RBP7: variants seen among roughly 807,000 people sequenced by gnomAD.
The protein encoded by RBP7 is retinoid-binding protein 7.
In RBP7, 13 loss-of-function variants were observed where a neutral mutation model predicts 16.7. That is an observed-to-expected ratio of 0.78 (90% CI 0.51 to 1.24). The LOEUF (loss-of-function observed/expected upper bound fraction) is 1.24, where lower values mean the gene tolerates loss of function less well. Among genes scored for constraint, RBP7 ranks in the 50% most tolerant of loss-of-function variants. RBP7 has a pLI of 0.00. For synonymous variants in RBP7, 54 were observed against 56.2 expected, an observed-to-expected ratio of 0.96 and a Z score of 0.17; for missense variants, 145 against 159.5, an observed-to-expected ratio of 0.91 and a Z score of 0.49.
chr1:10,015,932 T>C lies in RBP7; in HGVS notation c.*100T>C. 8.9e-7 allele frequency: 1 copy of C among 1,128,998 alleles called. No individual in the cohort carries two copies. Among genetic ancestry groups the C allele is most frequent in the Non-Finnish European group, 1.3e-6 (1 of 754,094 alleles). The allele number at this position is 1,128,998 out of a possible 1,614,324, so 69.9% of individuals were successfully genotyped here. On this transcript the variant is annotated 3_prime_UTR_variant, in exon 4 of 4. Transcript: ENST00000294435. ...ATCTATCCCATTTGGCGACGAGGAC[T>C]CGTGGCTGGAGAGAGCCACACAGCG...
At chr1:9,999,058 G>C (rs1362476872) in intron 1 of RBP7, among the ~76,000 whole-genome samples, 1 of 152,032 alleles carries the variant, frequency 6.6e-6, no homozygotes, top group Admixed American at 6.6e-5. Context: ...TCATGGGGTA[G>C]TTTTCCCCAC....
rs550263559 is a variant in RBP7 at position 10,013,698 on chromosome 1, T to A, written c.355-2084T>A. On this transcript the variant is annotated intron_variant, in intron 3 of 3. Transcript: ENST00000294435. ...GGTGGCGGGCACCTGTAGTCCCAGC[T>A]ACTCAGGAGGCTGAGGCAGGATAAT... Among the ~76,000 whole-genome samples the A allele has an allele frequency of 7.2e-5, 11 of 152,150 alleles. No homozygotes were observed. In the South Asian group the frequency reaches 2.3e-3, roughly 32 times the overall value.
At chr1:10,010,429 G>A (rs910965259) in intron 3 of RBP7, among the ~76,000 whole-genome samples, 5 of 151,200 alleles carry the variant, frequency 3.3e-5, no homozygotes, top group Admixed American at 6.6e-5. Flanking sequence ...TTTTGTTTGT[G>A]TTTTTGAGAC....
chr1:10,013,574 C>T (rs1459173424), intron 3 of RBP7, among the ~76,000 whole-genome samples: 3 of 151,854 alleles, frequency 2.0e-5, no homozygotes, highest in South Asian at 4.1e-4. Context: ...TTTGGAAGGT[C>T]GGGGCAGGTG....
chr1:10,014,706 A>G (rs924812188), intron 3 of RBP7, among the ~76,000 whole-genome samples: 1 of 151,954 alleles, frequency 6.6e-6, no homozygotes, highest in Non-Finnish European at 1.5e-5. Context: ...TGAGTTGTTT[A>G]TTTTATAATA....
chr1:10,012,208 T>C (rs1283885357), intron 3 of RBP7, among the ~76,000 whole-genome samples: 3 of 91,114 alleles, frequency 3.3e-5, no homozygotes, highest in South Asian at 3.5e-4. Context: ...TGAAACTCCA[T>C]CTCAAAAAAA....
chr1:10,006,793 A>G (rs1217400608), intron 1 of RBP7, among the ~76,000 whole-genome samples: 2 of 151,624 alleles, frequency 1.3e-5, no homozygotes, highest in African/African-American at 4.8e-5. Context: ...AGGTATATAC[A>G]TGAATCCAGT....
rs780638376 is a variant in RBP7, at chr1:9,997,231, C to T, written c.-28C>T. 1 of 1,605,442 alleles carries T rather than the reference C, an allele frequency of 6.2e-7. No homozygotes were observed. The highest frequency in any genetic ancestry group is 8.5e-7 in the Non-Finnish European group (1 of 1,176,630). ...GTCCCGGCCCGAGCCTCCGGCCGCC[C>T]GCCGGGTTTGTCCCGCGATCCCCGA... On this transcript the variant is annotated 5_prime_UTR_variant, in exon 1 of 4. Transcript: ENST00000294435. The surrounding 1 kb of genome is among the most constrained non-coding windows in gnomAD (Gnocchi z 5.9).
intron 1 of RBP7, among the ~76,000 whole-genome samples, chr1:10,006,054 T>C (rs902367667): frequency 5.9e-5 from 9 of 152,120 alleles, no homozygotes; most frequent in Non-Finnish European, 1.3e-4. Context: ...TTCTTTCAGC[T>C]CCCCGCTGAG....
At chr1:10,006,043 C>T (rs1642432101) in intron 1 of RBP7, among the ~76,000 whole-genome samples, 2 of 152,174 alleles carry the variant, frequency 1.3e-5, no homozygotes. Flanking sequence ...TGATTCTTTA[C>T]TTCTTTCAGC....
intron 1 of RBP7, among the ~76,000 whole-genome samples, chr1:9,998,177 A>G (rs1642207027): frequency 6.6e-6 from 1 of 152,110 alleles, no homozygotes; most frequent in Admixed American, 6.5e-5. Flanking sequence ...CTTTTAGTAG[A>G]GAAGGGGTTT....
intron 1 of RBP7, among the ~76,000 whole-genome samples, chr1:9,998,724 C>T (rs1239624692): frequency 1.3e-5 from 2 of 151,954 alleles, no homozygotes; most frequent in African/African-American, 2.4e-5. Flanking sequence ...GTTTTCTTAA[C>T]CTTAGGGCCC....
Position 9,997,246 on chromosome 1 carries a change from G to T in RBP7, c.-13G>T, listed in dbSNP as rs747196371. On this transcript the variant is annotated 5_prime_UTR_variant, in exon 1 of 4. Transcript: ENST00000294435. The surrounding 1 kb of genome is among the most constrained non-coding windows in gnomAD (Gnocchi z 5.9). ...TCCGGCCGCCCGCCGGGTTTGTCCC[G>T]CGATCCCCGACCATGCCCGCCGACC... The T allele has an allele frequency of 5.6e-6, 8 of 1,432,412 alleles. No individual in the cohort carries two copies. The African/African-American group carries it at 1.1e-4, about 19-fold the overall frequency. 88.7% of individuals were successfully genotyped at this position (1,432,412 alleles called of 1,614,324 possible).
intron 3 of RBP7, among the ~76,000 whole-genome samples, chr1:10,013,074 A>AT (rs537432311): frequency 0.32 from 44,544 of 137,492 alleles, 10,703 homozygotes; most frequent in African/African-American, 0.67. Context: ...ACTTACCATG[A>AT]TTTTTTTTTT....
intron 3 of RBP7, among the ~76,000 whole-genome samples, chr1:10,013,952 G>C (rs1642702136): frequency 6.6e-6 from 1 of 152,080 alleles, no homozygotes; most frequent in Admixed American, 6.6e-5. Context: ...TTCCAGCCTG[G>C]GCGAAGGAGT....
chr1:9,998,565 C>T (rs1018075504), intron 1 of RBP7, among the ~76,000 whole-genome samples: 1 of 151,882 alleles, frequency 6.6e-6, no homozygotes, highest in African/African-American at 2.4e-5. Context: ...CCCGCCACCA[C>T]GCCCAGCTAA....
intron 1 of RBP7, among the ~76,000 whole-genome samples, chr1:10,005,123 A>AAC (rs918309364): frequency 3.3e-5 from 5 of 152,178 alleles, no homozygotes; most frequent in South Asian, 4.1e-4. Flanking sequence ...TCTAGATTTA[A>AAC]ACACACACAC....
chr1:10,014,375 TTTTC>T (rs1642714760), intron 3 of RBP7, among the ~76,000 whole-genome samples: 1 of 151,568 alleles, frequency 6.6e-6, no homozygotes, highest in South Asian at 2.1e-4. Flanking sequence ...TTTTCTTTTC[TTTTC>T]TTTCTTTTTT....
intron 1 of RBP7, among the ~76,000 whole-genome samples, chr1:10,000,055 C>A (rs1455198922): frequency 6.6e-6 from 1 of 151,432 alleles, no homozygotes; most frequent in African/African-American, 2.4e-5. Flanking sequence ...TGGTGAAGCC[C>A]CACCTCTACT....
Sources: allele counts gnomAD v4.1 joint callset (sites outside exome capture counted in the v4.1 genomes callset), GRCh38; gene constraint gnomAD v4.1.1; non-coding constraint Gnocchi (gnomAD v3.1); transcripts MANE v1.5; gene names NCBI Gene and HGNC (gene_info 2026-07-23, HGNC 2026-07-21).